The following MYH10 variants were observed in gnomAD, a reference collection of about 807,000 sequenced individuals.
MYH10 encodes the protein myosin heavy chain 10, also known as myosin-10.
Under a neutral mutation model 257.8 loss-of-function variants are expected in MYH10, and 55 were observed. The ratio of observed to expected loss-of-function variants is 0.21; its 90% CI spans 0.17 to 0.27. MYH10 has a LOEUF of 0.27. MYH10 is among the 10% of genes least tolerant of loss of function. The pLI, the probability that MYH10 is intolerant of heterozygous loss-of-function variation, is 1.00. For synonymous variants in MYH10, 854 were observed against 921.7 expected, an observed-to-expected ratio of 0.93 and a Z score of 1.33; for missense variants, 1,631 against 2,500.6, an observed-to-expected ratio of 0.65 and a Z score of 7.42.
rs1567953268 is a variant in MYH10 at position 8,592,970 on chromosome 17, T to TATATATATATATATAA, written c.503-3863_503-3862insTTATATATATATATAT. Among the ~76,000 whole-genome samples, 18 of 121,950 alleles carry TATATATATATATATAA rather than the reference T, an allele frequency of 1.5e-4. 2 individuals are homozygous for TATATATATATATATAA. The highest frequency in any genetic ancestry group is 2.3e-4 in the Non-Finnish European group (13 of 57,250). 80.0% of individuals were successfully genotyped at this position (121,950 alleles called of 152,430 possible). A position where few individuals can be genotyped will look rare whatever the true frequency, so the allele number is the denominator to read the frequency against. On this transcript the variant is annotated intron_variant, in intron 3 of 42. Coordinates refer to ENST00000360416, the MANE Select transcript of MYH10 (RefSeq NM_001256012.3). ...ATATATATATATATATATATATATA[T>TATATATATATATATAA]AAAAGATGATGCACAGAAAGAACAA...
At chr17:8,599,431 T>C (rs759606942) in intron 3 of MYH10, among the ~76,000 whole-genome samples, 6 of 152,204 alleles carry the variant, frequency 3.9e-5, no homozygotes, top group Admixed American at 2.0e-4. Flanking sequence ...ACATTTCCAA[T>C]AGCAACTGTT....
chr17:8,496,140 A>G (rs912193429), intron 30 of MYH10, among the ~76,000 whole-genome samples: 1 of 152,164 alleles, frequency 6.6e-6, no homozygotes, highest in African/African-American at 2.4e-5. Context: ...ATATTTTCCA[A>G]ACAAATCTTT....
At chr17:8,513,427 G>A in intron 23 of MYH10, 111 bp downstream of exon 23, 1 of 1,454,892 alleles carries the variant, frequency 6.9e-7, no homozygotes, top group Non-Finnish European at 9.1e-7. Flanking sequence ...CATAAAATAA[G>A]ATGATATGGT....
intron 3 of MYH10, among the ~76,000 whole-genome samples, chr17:8,602,122 C>T (rs392674): frequency 0.97 from 147,628 of 152,140 alleles, 71,799 homozygotes; most frequent in Middle Eastern, 1. Context: ...ACTACAGGCG[C>T]GTGCTGCCAC....
At chr17:8,567,225 T>C (rs1284600687) in intron 7 of MYH10, among the ~76,000 whole-genome samples, 1 of 152,168 alleles carries the variant, frequency 6.6e-6, no homozygotes, top group African/African-American at 2.4e-5. Context: ...TCTGAAGGAA[T>C]GCAGTTTCCT....
intron 23 of MYH10, among the ~76,000 whole-genome samples, chr17:8,512,877 A>G (rs981550914): frequency 6.6e-6 from 1 of 152,220 alleles, no homozygotes; most frequent in Non-Finnish European, 1.5e-5. Flanking sequence ...TGAATAATAC[A>G]TATTAAATTC....
At chr17:8,534,604 C>CTTAA (rs2082090866) in intron 16 of MYH10, among the ~76,000 whole-genome samples, 1 of 152,190 alleles carries the variant, frequency 6.6e-6, no homozygotes, top group Non-Finnish European at 1.5e-5. Context: ...GATTACAAGG[C>CTTAA]TTAAGATGCT....
chr17:8,578,399 CG>C (rs1567930110), intron 4 of MYH10, among the ~76,000 whole-genome samples: 5 of 151,906 alleles, frequency 3.3e-5, no homozygotes, highest in Non-Finnish European at 2.9e-5. Context: ...CACGCCACCA[CG>C]CCTGGCTAAG....
chr17:8,518,149 T>TGTGTGTGTG (rs1555583009), intron 21 of MYH10, among the ~76,000 whole-genome samples: 5 of 81,284 alleles, frequency 6.2e-5, no homozygotes, highest in South Asian at 4.0e-4. Context: ...GTGTGTGTGT[T>TGTGTGTGTG]TGAGATAGGG....
At chr17:8,624,378 C>T (rs1477869311) in intron 1 of MYH10, among the ~76,000 whole-genome samples, 1 of 152,154 alleles carries the variant, frequency 6.6e-6, no homozygotes, top group African/African-American at 2.4e-5. Context: ...TTGATACCAA[C>T]TTAAACATTT....
intron 24 of MYH10, chr17:8,511,054 A>G (rs1454664144): frequency 8.7e-6 from 1 of 114,520 alleles, no homozygotes; most frequent in African/African-American, 4.2e-5. Context: ...ATATATATAT[A>G]TATATACACA....
intron 30 of MYH10, among the ~76,000 whole-genome samples, chr17:8,495,762 TG>T (rs1222013593): frequency 6.6e-6 from 1 of 151,360 alleles, no homozygotes; most frequent in Non-Finnish European, 1.5e-5. Flanking sequence ...CTGGCTGGAG[TG>T]CAGTGGTGCA....
Position 8,477,102 on chromosome 17 carries a change from CCT to C in MYH10, c.5707-56_5707-55del. The C allele has an allele frequency of 2.5e-6, 4 of 1,597,890 alleles. No homozygotes were observed. Among genetic ancestry groups the C allele is most frequent in the South Asian group, 2.2e-5 (2 of 90,400 alleles). On this transcript the variant is annotated intron_variant, in intron 41 of 42. Transcript: ENST00000360416. This position sits in a 1 kb window ranked among gnomAD's most constrained non-coding sequence, Gnocchi z 4.2. ...ACCAAACTGGTGAATCCAGTGTCGG[CCT>C]CTCTGTACCCCGAGCGTGGCAGTGT...
rs150332952 is a variant in MYH10, at chr17:8,480,503, G to A, written c.5287C>T (p.Arg1763Trp). The A allele has an allele frequency of 3.1e-6, 5 of 1,609,830 alleles. No individual in the cohort carries two copies. Among genetic ancestry groups the A allele is most frequent in the South Asian group, 1.1e-5 (1 of 91,026 alleles). Residue 1763 changes from arginine (R) to tryptophan (W), a missense_variant, in exon 39 of 43, where the codon CGG becomes TGG. By Grantham distance (101) the Arg-to-Trp change is moderately radical. Transcript: ENST00000360416. ...SGKSALLDEK[R>W]RLEARIAQLE... ...TGTGCGATCCGAGCTTCCAGACGCC[G>A]CTTCTCATCCAGCAGCGCGGACCTG... is the stretch of plus-strand genomic sequence containing the variant.
chr17:8,551,254 T>C (rs2082634716), intron 9 of MYH10, among the ~76,000 whole-genome samples: 2 of 150,638 alleles, frequency 1.3e-5, no homozygotes, highest in Admixed American at 6.7e-5. Context: ...TACTGCATCA[T>C]CTTGAATTTT....
chr17:8,610,456 A>G (rs1365622487), intron 2 of MYH10, among the ~76,000 whole-genome samples: 1 of 151,708 alleles, frequency 6.6e-6, no homozygotes, highest in East Asian at 1.9e-4. Context: ...ATAAATAAAA[A>G]TAAATAAAAA....
At chr17:8,530,362 A>G (rs1319249059) in intron 17 of MYH10, among the ~76,000 whole-genome samples, 1 of 152,216 alleles carries the variant, frequency 6.6e-6, no homozygotes, top group African/African-American at 2.4e-5. Flanking sequence ...AGTGCTATGC[A>G]TAAAATAAGA....
chr17:8,496,559 C>T (rs7224580), intron 30 of MYH10, among the ~76,000 whole-genome samples: 146,634 of 152,292 alleles, frequency 0.96, 70,850 homozygotes, highest in East Asian at 1. Flanking sequence ...GAGCCTAGCA[C>T]ATGCCTGGTG....
chr17:8,566,936 G>A, intron 7 of MYH10, among the ~76,000 whole-genome samples: 1 of 152,134 alleles, frequency 6.6e-6, no homozygotes, highest in Non-Finnish European at 1.5e-5. Context: ...CGGGGCCACT[G>A]AGCACCAAAA....
Sources: gnomAD v4.1 joint callset for allele counts (sites outside exome capture counted in the v4.1 genomes callset) on GRCh38, gnomAD v4.1.1 for gene constraint, Gnocchi (gnomAD v3.1) non-coding constraint, MANE v1.5 for transcripts, NCBI Gene and HGNC (gene_info 2026-07-23, HGNC 2026-07-21) for gene names.